ZFP1: variants seen among roughly 807,000 people sequenced by gnomAD.
ZFP1 encodes zinc finger protein 1 homolog.
Under a neutral mutation model 38.5 loss-of-function variants are expected in ZFP1, and 32 were observed. That is an observed-to-expected ratio of 0.83 (90% CI 0.63 to 1.12). ZFP1 has a LOEUF of 1.12. ZFP1 is among the 50% of genes most tolerant of loss of function. ZFP1 has a pLI of 0.00. For synonymous variants in ZFP1, 245 were observed against 168.8 expected (o/e 1.45, Z -3.50); for missense variants, 616 against 480.8 (o/e 1.28, Z -2.63).
chr16:75,143,237 TTTTTG>T, the ZFP1 span, among the ~76,000 whole-genome samples: 1 of 151,960 alleles, frequency 6.6e-6, no homozygotes, highest in Non-Finnish European at 1.5e-5. Context: ...GGGCCTGAAT[TTTTTG>T]TTTTGTTTTT....
intron 2 of ZFP1, among the ~76,000 whole-genome samples, chr16:75,159,960 ATC>A (rs1229125313): frequency 2.0e-5 from 3 of 152,048 alleles, no homozygotes. Flanking sequence ...GTTTGCCAGT[ATC>A]TCTATCTTTC....
chr16:75,136,012 C>T, the ZFP1 span, among the ~76,000 whole-genome samples: 1 of 152,128 alleles, frequency 6.6e-6, no homozygotes, highest in Non-Finnish European at 1.5e-5. Flanking sequence ...GATGGGTTTT[C>T]GTCATGTTGG....
chr16:75,140,292 G>C, the ZFP1 span, among the ~76,000 whole-genome samples: 1 of 151,838 alleles, frequency 6.6e-6, no homozygotes, highest in Admixed American at 6.6e-5. Flanking sequence ...GTTGAGGCCA[G>C]GTGTGGTGGC....
the ZFP1 span, among the ~76,000 whole-genome samples, chr16:75,137,142 T>C: frequency 6.6e-6 from 1 of 152,080 alleles, no homozygotes; most frequent in East Asian, 1.9e-4. Flanking sequence ...TCTTGTAATG[T>C]CAGAAAGTAA....
intron 2 of ZFP1, among the ~76,000 whole-genome samples, chr16:75,156,252 G>A (rs1435054527): frequency 3.9e-5 from 6 of 152,130 alleles, no homozygotes; most frequent in African/African-American, 1.4e-4. Flanking sequence ...TCAGGAGATC[G>A]AGACCAGCCT....
At chr16:75,136,966 C>A in the ZFP1 span, among the ~76,000 whole-genome samples, 2 of 152,130 alleles carry the variant, frequency 1.3e-5, no homozygotes, top group African/African-American at 4.8e-5. Flanking sequence ...GCTCTGTCAG[C>A]CAAGGGGTCC....
At chr16:75,144,594 T>A (rs1412109020), upstream of ZFP1, among the ~76,000 whole-genome samples, 1 of 152,238 alleles carries the variant, frequency 6.6e-6, no homozygotes, top group African/African-American at 2.4e-5. Flanking sequence ...AAAAATTTGA[T>A]GTGTACACTC....
At chr16:75,152,064 G>A (rs536780984) in intron 1 of ZFP1, among the ~76,000 whole-genome samples, 66 of 152,236 alleles carry the variant, frequency 4.3e-4, no homozygotes, top group African/African-American at 1.3e-3. Flanking sequence ...TGATGAGAAG[G>A]TGGCTATGAT....
At chr16:75,129,557 A>G in the ZFP1 span, among the ~76,000 whole-genome samples, 2 of 152,196 alleles carry the variant, frequency 1.3e-5, no homozygotes, top group African/African-American at 4.8e-5. Context: ...CCTCAAAAGA[A>G]TGCAACCATT....
At chr16:75,151,350 A>T (rs2037195575) in intron 1 of ZFP1, among the ~76,000 whole-genome samples, 2 of 151,912 alleles carry the variant, frequency 1.3e-5, no homozygotes, top group Non-Finnish European at 2.9e-5. Flanking sequence ...CCAATTATTG[A>T]TATAGTTGTG....
chr16:75,144,080 T>A (rs2036917483), upstream of ZFP1: 1 of 152,254 alleles, frequency 6.6e-6, no homozygotes, highest in Non-Finnish European at 1.5e-5. Context: ...TTTCTCTTTA[T>A]TTTTCAGGGA....
intron 2 of ZFP1, among the ~76,000 whole-genome samples, chr16:75,157,375 C>A (rs2037523437): frequency 6.6e-6 from 1 of 150,848 alleles, no homozygotes; most frequent in South Asian, 2.1e-4. Flanking sequence ...TCCTAAGTAG[C>A]TGTGATTACA....
At chr16:75,132,061 C>T in the ZFP1 span, among the ~76,000 whole-genome samples, 1 of 151,938 alleles carries the variant, frequency 6.6e-6, no homozygotes, top group Non-Finnish European at 1.5e-5. Flanking sequence ...TGCAAGTTTC[C>T]CCCTTCCTTT....
At chr16:75,119,850 C>A in the ZFP1 span, among the ~76,000 whole-genome samples, 2 of 151,880 alleles carry the variant, frequency 1.3e-5, no homozygotes, top group African/African-American at 2.4e-5. Context: ...TAAATTCACA[C>A]ACACACACAT....
At position 75,162,740 on chromosome 16, in the gene ZFP1, C is replaced by T. The variant is rs115782729; in HGVS notation, c.16-4030C>T. 2.9e-3 allele frequency among the ~76,000 whole-genome samples: 448 copies of T among 152,216 alleles called. 3 individuals carry two copies. Among genetic ancestry groups the T allele is most frequent in the African/African-American group, 0.01 (430 of 41,556 alleles). On this transcript the variant is annotated intron_variant, in intron 2 of 3. Transcript: ENST00000570010. Reference sequence around the variant, plus strand: ...GTGAGTACCCAGAGTTTAGCTCCCACTTATAAGTGAGGATATGCGCTATTT... The same window carrying T: ...GTGAGTACCCAGAGTTTAGCTCCCATTTATAAGTGAGGATATGCGCTATTT...
the ZFP1 span, among the ~76,000 whole-genome samples, chr16:75,141,215 T>C: frequency 7.3e-6 from 1 of 137,452 alleles, no homozygotes; most frequent in South Asian, 2.5e-4. Context: ...TTTTTTTTTT[T>C]TTTTTGAGAC....
At chr16:75,130,914 G>C in the ZFP1 span, among the ~76,000 whole-genome samples, 1 of 151,476 alleles carries the variant, frequency 6.6e-6, no homozygotes, top group Non-Finnish European at 1.5e-5. Context: ...CAAATGCAAA[G>C]CCCTTGCAGT....
At chr16:75,141,348 G>A in the ZFP1 span, among the ~76,000 whole-genome samples, 33 of 151,512 alleles carry the variant, frequency 2.2e-4, no homozygotes, top group African/African-American at 2.7e-4. Context: ...GACTACAGGC[G>A]CCCACCACCA....
At chr16:75,135,863 G>A in the ZFP1 span, among the ~76,000 whole-genome samples, 1 of 152,286 alleles carries the variant, frequency 6.6e-6, no homozygotes. Flanking sequence ...CACCCAGGCT[G>A]GAGTACAGTG....
Sources: allele counts gnomAD v4.1 joint callset (sites outside exome capture counted in the v4.1 genomes callset), GRCh38; gene constraint gnomAD v4.1.1; transcripts MANE v1.5; gene names NCBI Gene and HGNC (gene_info 2026-07-23, HGNC 2026-07-21).